RIT2: variants seen among roughly 807,000 people sequenced by gnomAD.
RIT2 encodes GTP-binding protein Rit2.
RIT2 carries 24 observed loss-of-function variants against 23.7 expected under a neutral mutation model. The observed-to-expected ratio is 1.01, with a 90% CI of 0.73 to 1.43. The LOEUF is 1.43. Ranked by LOEUF, RIT2 falls within the 40% of genes most tolerant of loss-of-function variation. The pLI, the probability that RIT2 is intolerant of heterozygous loss-of-function variation, is 0.00. For synonymous variants in RIT2, 107 were observed against 91.1 expected, an observed-to-expected ratio of 1.17 and a Z score of -0.99; for missense variants, 236 against 266.9, an observed-to-expected ratio of 0.88 and a Z score of 0.81.
At chr18:42,762,715 T>C (rs556025446) in intron 4 of RIT2, among the ~76,000 whole-genome samples, 1 of 152,242 alleles carries the variant, frequency 6.6e-6, no homozygotes, top group African/African-American at 2.4e-5. Flanking sequence ...TTCTAGGAAA[T>C]AGCTTCCTTC....
At chr18:42,998,946 G>T (rs1489370222) in intron 2 of RIT2, among the ~76,000 whole-genome samples, 6 of 152,084 alleles carry the variant, frequency 3.9e-5, no homozygotes, top group Non-Finnish European at 7.4e-5. Context: ...CAGGGAATTT[G>T]TTGTTGGGAA....
intron 3 of RIT2, chr18:42,948,902 G>A (rs138765498): frequency 6.6e-5 from 26 of 395,834 alleles, no homozygotes; most frequent in Middle Eastern, 6.4e-4. Context: ...GAAATGAGAC[G>A]GTCAGAGAAT....
intron 1 of RIT2, among the ~76,000 whole-genome samples, chr18:43,049,951 G>A (rs1303864372): frequency 7.2e-6 from 1 of 139,648 alleles, no homozygotes; most frequent in Non-Finnish European, 1.5e-5. Context: ...TGAAAGCAAT[G>A]GGTAATTGAG....
intron 4 of RIT2, among the ~76,000 whole-genome samples, chr18:42,904,537 T>G (rs2144110691): frequency 6.6e-6 from 1 of 152,162 alleles, no homozygotes; most frequent in Admixed American, 6.5e-5. Context: ...GCTACAAGAG[T>G]ATTTTATAGT....
chr18:43,097,376 C>T (rs1484327880), intron 1 of RIT2, among the ~76,000 whole-genome samples: 2 of 151,604 alleles, frequency 1.3e-5, no homozygotes, highest in African/African-American at 2.4e-5. Flanking sequence ...ATATACAAAT[C>T]CGAATATGTT....
intron 3 of RIT2, among the ~76,000 whole-genome samples, chr18:42,960,244 T>C (rs554441235): frequency 6.6e-6 from 1 of 152,338 alleles, no homozygotes; most frequent in South Asian, 2.1e-4. Context: ...CTACAGAGCA[T>C]GTAAACTTGA....
At chr18:42,987,729 T>C (rs1910744186) in intron 2 of RIT2, among the ~76,000 whole-genome samples, 1 of 152,216 alleles carries the variant, frequency 6.6e-6, no homozygotes, top group Non-Finnish European at 1.5e-5. Context: ...GAGGTTTATT[T>C]GGCTCACAGT....
chr18:43,099,681 T>C (rs1372294887), intron 1 of RIT2, among the ~76,000 whole-genome samples: 1 of 152,124 alleles, frequency 6.6e-6, no homozygotes, highest in African/African-American at 2.4e-5. Flanking sequence ...TGTCTCTCTA[T>C]AATATCAAGA....
intron 3 of RIT2, among the ~76,000 whole-genome samples, chr18:42,965,077 T>C (rs867213629): frequency 1.3e-5 from 2 of 152,200 alleles, no homozygotes; most frequent in African/African-American, 4.8e-5. Flanking sequence ...GCAAATGTCA[T>C]GAAGGCAGGA....
intron 3 of RIT2, among the ~76,000 whole-genome samples, chr18:42,969,545 G>A (rs1037034134): frequency 2.0e-5 from 3 of 151,936 alleles, no homozygotes; most frequent in Non-Finnish European, 4.4e-5. Context: ...CTGCAGAGTT[G>A]GTTAGGAACT....
intron 4 of RIT2, among the ~76,000 whole-genome samples, chr18:42,859,708 G>A (rs1568014826): frequency 6.6e-6 from 1 of 151,938 alleles, no homozygotes; most frequent in Non-Finnish European, 1.5e-5. Flanking sequence ...ATGGATTTAT[G>A]ATCTATTTTT....
At chr18:42,956,232 C>T (rs1212338542) in intron 3 of RIT2, among the ~76,000 whole-genome samples, 2 of 152,128 alleles carry the variant, frequency 1.3e-5, no homozygotes, top group Non-Finnish European at 2.9e-5. Context: ...TCTACCCACA[C>T]TCCACATCTC....
rs995253505 is a variant in RIT2, at chr18:42,947,547, C to G, written c.235-23784G>C. On this transcript the variant is annotated intron_variant, in intron 3 of 4. Coordinates refer to ENST00000326695, the MANE Select transcript of RIT2 (RefSeq NM_002930.4). Reference sequence around the variant, plus strand: ...ATTTTGCAGGGCATATTAGAGGGAGCAAGCCTTCTTAGAAATGTCTTGATA... The same window carrying G: ...ATTTTGCAGGGCATATTAGAGGGAGGAAGCCTTCTTAGAAATGTCTTGATA... Among the ~76,000 whole-genome samples, 7 of 152,190 alleles carry G rather than the reference C, an allele frequency of 4.6e-5. No homozygotes were observed. The South Asian group carries it at 1.5e-3, about 32-fold the overall frequency.
chr18:43,011,057 A>G (rs1911339385), intron 2 of RIT2, among the ~76,000 whole-genome samples: 1 of 151,848 alleles, frequency 6.6e-6, no homozygotes, highest in African/African-American at 2.4e-5. Context: ...AAAATTTTAT[A>G]AAGGTAATAT....
intron 3 of RIT2, among the ~76,000 whole-genome samples, chr18:42,953,842 C>A (rs546164966): frequency 6.6e-6 from 1 of 152,194 alleles, no homozygotes; most frequent in South Asian, 2.1e-4. Context: ...ATAGTAGAGA[C>A]CAGATAATAT....
intron 4 of RIT2, among the ~76,000 whole-genome samples, chr18:42,804,990 G>A (rs978779916): frequency 1.3e-4 from 20 of 152,092 alleles, no homozygotes; most frequent in African/African-American, 4.6e-4. Context: ...ATTTTAAAAA[G>A]CAAAAGCACA....
intron 4 of RIT2, among the ~76,000 whole-genome samples, chr18:42,810,306 T>C (rs60655873): frequency 0.019 from 2,816 of 151,832 alleles, 81 homozygotes; most frequent in African/African-American, 0.062. Flanking sequence ...ATTGCTTGCC[T>C]TTATAGTACA....
chr18:43,037,660 C>G (rs1488762891), intron 1 of RIT2, among the ~76,000 whole-genome samples: 1 of 151,890 alleles, frequency 6.6e-6, no homozygotes, highest in Non-Finnish European at 1.5e-5. Context: ...TACCAATCTT[C>G]TCTTGATTGG....
chr18:42,777,456 T>A (rs1913700526), intron 4 of RIT2, among the ~76,000 whole-genome samples: 1 of 152,232 alleles, frequency 6.6e-6, no homozygotes, highest in South Asian at 2.1e-4. Context: ...CAAAGAAGAC[T>A]TAGAAGCAGT....
Sources: gnomAD v4.1 joint callset for allele counts (sites outside exome capture counted in the v4.1 genomes callset) on GRCh38, gnomAD v4.1.1 for gene constraint, MANE v1.5 for transcripts, NCBI Gene and HGNC (gene_info 2026-07-23, HGNC 2026-07-21) for gene names.